The following MEF2C variants were observed in gnomAD, a reference collection of about 807,000 sequenced individuals.
MEF2C encodes myocyte enhancer factor 2C.
In MEF2C, 6 loss-of-function variants were observed where a neutral mutation model predicts 50.5. The ratio of observed to expected loss-of-function variants is 0.12; its 90% CI spans 0.07 to 0.23. MEF2C has a LOEUF of 0.23. Ranked by LOEUF, MEF2C falls within the 10% of genes least tolerant of loss-of-function variation. The pLI, the probability that MEF2C is intolerant of heterozygous loss-of-function variation, is 1.00. For synonymous variants in MEF2C, 183 were observed against 228.0 expected (o/e 0.80, Z 1.78); for missense variants, 276 against 605.0 (o/e 0.46, Z 5.70).
At chr5:88,873,494 AC>A (rs533707994) in intron 1 of MEF2C, among the ~76,000 whole-genome samples, 144 of 152,166 alleles carry the variant, frequency 9.5e-4, no homozygotes, top group Admixed American at 1.5e-3. Flanking sequence ...GAAGGAAAAA[AC>A]ACTGAAGTCA....
In MEF2C at chr5:88,823,856, T is replaced by A. The variant is rs548087807; in HGVS notation, c.-68A>T. ...TTTTTTCCTTCCTTTTCTTTCTCTT[T>A]CCTGTTTCCTCCAAACAAATCTCCT... On this transcript the variant is annotated 5_prime_UTR_variant, in exon 2 of 11. Coordinates refer to ENST00000504921, the MANE Select transcript of MEF2C (RefSeq NM_002397.5). 6.3e-7 allele frequency: 1 copy of A among 1,598,674 alleles called. No individual in the cohort carries two copies. The highest frequency in any genetic ancestry group is 1.3e-5 in the African/African-American group (1 of 74,258).
intron 6 of MEF2C, 103 bp downstream of exon 6, chr5:88,748,967 C>T: frequency 3.2e-6 from 5 of 1,540,400 alleles, no homozygotes; most frequent in Non-Finnish European, 4.4e-6. Flanking sequence ...ATGCCTCTCA[C>T]AGATCTCTTA....
intron 1 of MEF2C, among the ~76,000 whole-genome samples, chr5:88,842,773 C>T (rs567374226): frequency 6.6e-6 from 1 of 152,276 alleles, no homozygotes; most frequent in Admixed American, 6.5e-5. Context: ...TTCCTAGATA[C>T]ATTTTTCATG....
At chr5:88,746,145 T>A (rs535559063) in intron 6 of MEF2C, among the ~76,000 whole-genome samples, 1 of 152,282 alleles carries the variant, frequency 6.6e-6, no homozygotes, top group East Asian at 1.9e-4. Context: ...ATTTTTGGCA[T>A]GTGAATGATG....
intron 10 of MEF2C, among the ~76,000 whole-genome samples, chr5:88,725,513 G>A (rs958190267): frequency 2.0e-5 from 3 of 152,054 alleles, no homozygotes; most frequent in Non-Finnish European, 4.4e-5. Flanking sequence ...ATATAGACAC[G>A]AATAATTATA....
intron 1 of MEF2C, among the ~76,000 whole-genome samples, chr5:88,852,934 G>A (rs1821926144): frequency 1.3e-5 from 2 of 151,622 alleles, no homozygotes; most frequent in Admixed American, 6.6e-5. Flanking sequence ...AAAAAAGAAT[G>A]TAGTTCTAGC....
chr5:88,794,781 C>T (rs780885685), intron 3 of MEF2C, among the ~76,000 whole-genome samples: 21 of 152,088 alleles, frequency 1.4e-4, no homozygotes, highest in Non-Finnish European at 2.6e-4. Context: ...TTAGGCCTTA[C>T]GTTTAAGTCT....
intron 6 of MEF2C, chr5:88,742,275 C>T: frequency 1.0e-6 from 1 of 985,262 alleles, no homozygotes; most frequent in Non-Finnish European, 1.2e-6. Flanking sequence ...CAAATAAAAT[C>T]TTATCATGAT....
chr5:88,772,173 C>T (rs976142568), intron 3 of MEF2C: 1 of 152,184 alleles, frequency 6.6e-6, no homozygotes, highest in African/African-American at 2.4e-5. Flanking sequence ...ATCAGAAAAG[C>T]AGAGTATACA....
Sources: gnomAD v4.1 joint callset for allele counts (sites outside exome capture counted in the v4.1 genomes callset) on GRCh38, gnomAD v4.1.1 for gene constraint, MANE v1.5 for transcripts, NCBI Gene and HGNC (gene_info 2026-07-23, HGNC 2026-07-21) for gene names.